HPSE2: variants seen among roughly 807,000 people sequenced by gnomAD.
The protein encoded by HPSE2 is heparanase 2 (inactive).
HPSE2 carries 38 observed loss-of-function variants against 60.5 expected under a neutral mutation model. The ratio of observed to expected loss-of-function variants is 0.63; its 90% CI spans 0.48 to 0.82. The LOEUF (loss-of-function observed/expected upper bound fraction) is 0.82, where lower values mean the gene tolerates loss of function less well. Ranked by LOEUF, HPSE2 falls within the 40% of genes least tolerant of loss-of-function variation. The pLI is 0.00. For missense variants in HPSE2, 713 were observed against 740.4 expected, an observed-to-expected ratio of 0.96 and a Z score of 0.43; for synonymous variants, 295 against 293.2, an observed-to-expected ratio of 1.01 and a Z score of -0.06.
intron 2 of HPSE2, among the ~76,000 whole-genome samples, chr10:99,168,247 T>A (rs1437475979): frequency 2.0e-5 from 3 of 152,204 alleles, no homozygotes; most frequent in Non-Finnish European, 4.4e-5. Flanking sequence ...TGTTTTTCAA[T>A]AAAATTTTAT....
At chr10:99,213,198 C>T (rs767954244) in intron 2 of HPSE2, among the ~76,000 whole-genome samples, 16 of 151,420 alleles carry the variant, frequency 1.1e-4, no homozygotes, top group Admixed American at 2.0e-4. Context: ...TTTTTTTCTA[C>T]CTTAAGAAAA....
the HPSE2 span, among the ~76,000 whole-genome samples, chr10:99,308,387 A>AAAAAAAAAAAAAAAAAAAG: frequency 2.0e-5 from 3 of 146,830 alleles, no homozygotes; most frequent in Non-Finnish European, 4.5e-5. Context: ...CTCAAAAAAA[A>AAAAAAAAAAAAAAAAAAAG]AAAAAAAAAG....
At chr10:99,153,067 G>A (rs1045063866) in intron 2 of HPSE2, among the ~76,000 whole-genome samples, 8 of 152,176 alleles carry the variant, frequency 5.3e-5, no homozygotes, top group African/African-American at 1.9e-4. Context: ...TGCGCACCAC[G>A]AGATTATATC....
At chr10:98,825,353 G>A (rs1049464938) in intron 3 of HPSE2, among the ~76,000 whole-genome samples, 4 of 152,110 alleles carry the variant, frequency 2.6e-5, no homozygotes, top group Non-Finnish European at 5.9e-5. Context: ...ATAATTATTT[G>A]AGAAAAGGCT....
At chr10:98,996,014 ATAT>A (rs1264364610) in intron 3 of HPSE2, among the ~76,000 whole-genome samples, 1 of 152,160 alleles carries the variant, frequency 6.6e-6, no homozygotes, top group African/African-American at 2.4e-5. Flanking sequence ...TTAGTTAACG[ATAT>A]TATAACAATG....
the HPSE2 span, among the ~76,000 whole-genome samples, chr10:99,312,504 A>T: frequency 6.6e-6 from 1 of 152,210 alleles, no homozygotes; most frequent in Admixed American, 6.5e-5. Flanking sequence ...CTGGATGACA[A>T]CACATCTGTT....
At position 99,120,016 on chromosome 10, in the gene HPSE2, T is replaced by C. The variant is rs141754013; in HGVS notation, c.610+24222A>G. On this transcript the variant is annotated intron_variant, in intron 3 of 11. Transcript: ENST00000370552. ...CTGGAAGATAACCTAGGCAGTACCA[T>C]CCTGGACATAGGAACAGGCAAAGAT... 7.4e-3 allele frequency among the ~76,000 whole-genome samples: 1,130 copies of C among 152,286 alleles called. 11 individuals carry two copies. The highest frequency in any genetic ancestry group is 0.026 in the African/African-American group (1,086 of 41,546).
the HPSE2 span, among the ~76,000 whole-genome samples, chr10:99,267,501 C>T: frequency 5.3e-5 from 8 of 151,986 alleles, no homozygotes; most frequent in African/African-American, 1.9e-4. Context: ...ACGACCAAAC[C>T]TGCCGGGCAT....
intron 3 of HPSE2, among the ~76,000 whole-genome samples, chr10:99,140,278 T>A (rs941253294): frequency 6.6e-6 from 1 of 152,188 alleles, no homozygotes; most frequent in Non-Finnish European, 1.5e-5. Flanking sequence ...TGGAGTCTAA[T>A]GACTGAATGA....
chr10:98,545,385 T>A (rs1280344031), intron 9 of HPSE2, among the ~76,000 whole-genome samples: 1 of 152,110 alleles, frequency 6.6e-6, no homozygotes, highest in South Asian at 2.1e-4. Context: ...CCTTGATGAA[T>A]ATTGATGCAA....
chr10:98,721,514 G>T, intron 5 of HPSE2, 143 bp downstream of exon 5: 1 of 746,630 alleles, frequency 1.3e-6, no homozygotes, highest in Non-Finnish European at 2.2e-6. Flanking sequence ...TCTTAGAGTG[G>T]GTGAAGCCAC....
At chr10:99,272,502 G>A in the HPSE2 span, among the ~76,000 whole-genome samples, 7 of 152,012 alleles carry the variant, frequency 4.6e-5, no homozygotes, top group African/African-American at 7.3e-5. Context: ...CACAGAGTGG[G>A]AGAAAATCTT....
intron 9 of HPSE2, among the ~76,000 whole-genome samples, chr10:98,500,491 C>T (rs1932797): frequency 0.84 from 128,567 of 152,220 alleles, 55,973 homozygotes; most frequent in East Asian, 0.96. Context: ...AATAATGACA[C>T]AACCTGTCAA....
intron 5 of HPSE2, among the ~76,000 whole-genome samples, chr10:98,705,551 A>G (rs764460409): frequency 2.0e-5 from 3 of 152,230 alleles, no homozygotes; most frequent in Non-Finnish European, 4.4e-5. Flanking sequence ...TGTGGTACAG[A>G]CACACCATGG....
chr10:98,777,188 G>A (rs1190268261), intron 3 of HPSE2, among the ~76,000 whole-genome samples: 4 of 152,056 alleles, frequency 2.6e-5, no homozygotes, highest in Non-Finnish European at 5.9e-5. Context: ...ATGGTAGGGA[G>A]GTCAGTAAGG....
At chr10:99,204,362 T>C (rs1848674494) in intron 2 of HPSE2, among the ~76,000 whole-genome samples, 1 of 152,244 alleles carries the variant, frequency 6.6e-6, no homozygotes, top group Admixed American at 6.5e-5. Context: ...CCATGGACCA[T>C]GCCAGATAAC....
At chr10:98,869,346 T>C (rs1377606704) in intron 3 of HPSE2, among the ~76,000 whole-genome samples, 1 of 152,158 alleles carries the variant, frequency 6.6e-6, no homozygotes, top group Non-Finnish European at 1.5e-5. Context: ...GACATCTTTT[T>C]AAAACAAGCA....
intron 4 of HPSE2, 67 bp downstream of exon 4, chr10:98,743,816 G>A: frequency 7.1e-7 from 1 of 1,411,390 alleles, no homozygotes. Context: ...GATTGAGACT[G>A]TATCACAAGC....
the HPSE2 span, among the ~76,000 whole-genome samples, chr10:99,279,867 G>A: frequency 6.6e-6 from 1 of 152,160 alleles, no homozygotes; most frequent in African/African-American, 2.4e-5. Flanking sequence ...TAAAACAGAC[G>A]TGACTTTCCT....
Sources: gnomAD v4.1 joint callset for allele counts (sites outside exome capture counted in the v4.1 genomes callset) on GRCh38, gnomAD v4.1.1 for gene constraint, MANE v1.5 for transcripts, NCBI Gene and HGNC (gene_info 2026-07-23, HGNC 2026-07-21) for gene names.